Variants in DUSP18 observed in about 807,000 individuals in gnomAD.
DUSP18 encodes dual specificity protein phosphatase 18.
Under a neutral mutation model 6.3 loss-of-function variants are expected in DUSP18, and 4 were observed. That is an observed-to-expected ratio of 0.63 (90% CI 0.31 to 1.45). The LOEUF is 1.45. Among genes scored for constraint, DUSP18 ranks in the 40% most tolerant of loss-of-function variants. The pLI, the probability that DUSP18 is intolerant of heterozygous loss-of-function variation, is 0.07. For missense variants in DUSP18, 235 were observed against 247.7 expected (o/e 0.95, Z 0.34); for synonymous variants, 96 against 95.1 (o/e 1.01, Z -0.05).
Position 30,667,657 on chromosome 22 carries a change from C to T in DUSP18, c.-273G>A, listed in dbSNP as rs1254115721. 2 of 152,706 alleles carry T rather than the reference C, an allele frequency of 1.3e-5. No homozygotes were observed. The highest frequency in any genetic ancestry group is 4.8e-5 in the African/African-American group (2 of 41,466). 9.5% of individuals were successfully genotyped at this position (152,706 alleles called of 1,614,324 possible). On this transcript the variant is annotated 5_prime_UTR_variant, in exon 1 of 2. Transcript: ENST00000334679. ...TGCCGGGTCTTCAGAGAAATCCTGG[C>T]CTCGGCTCCACGCCCCTGAGCAGCC...
At chr22:30,654,618 G>C in intron 2 of DUSP18, 1 of 462,862 alleles carries the variant, frequency 2.2e-6, no homozygotes, top group Non-Finnish European at 4.3e-6. Flanking sequence ...AGTGGTAGGT[G>C]CCTCGGGAAG....
downstream of DUSP18, among the ~76,000 whole-genome samples, chr22:30,657,828 C>T (rs1164431823): frequency 1.3e-5 from 2 of 151,112 alleles, no homozygotes; most frequent in African/African-American, 4.9e-5. Flanking sequence ...GACGTGAACT[C>T]GGGAGGCGGA....
intron 1 of DUSP18, among the ~76,000 whole-genome samples, chr22:30,666,621 C>CAAAAAAAAAAAAA (rs55979351): frequency 9.6e-5 from 6 of 62,496 alleles, no homozygotes; most frequent in Admixed American, 2.6e-4. Flanking sequence ...GACTCCATCT[C>CAAAAAAAAAAAAA]AAAAAAAAAA....
chr22:30,660,254 T>C (rs1471761030), downstream of DUSP18, among the ~76,000 whole-genome samples: 1 of 152,224 alleles, frequency 6.6e-6, no homozygotes, highest in Non-Finnish European at 1.5e-5. Context: ...TGGTAATTTG[T>C]TACAGCACCA....
chr22:30,665,579 TCTC>T (rs1569074337), intron 1 of DUSP18: 1 of 470,162 alleles, frequency 2.1e-6, no homozygotes, highest in Admixed American at 2.4e-5. Context: ...TTAAGGGAAA[TCTC>T]CTTAGATCAC....
Position 30,654,774 on chromosome 22 carries a change from T to C in DUSP18, c.*34-2477A>G, listed in dbSNP as rs150502404. 2.1e-5 allele frequency: 5 copies of C among 237,552 alleles called. No homozygotes were observed. In the East Asian group the frequency reaches 7.1e-4, roughly 34 times the overall value. The allele number at this position is 237,552 out of a possible 1,614,324, so 14.7% of individuals were successfully genotyped here. A position where few individuals can be genotyped will look rare whatever the true frequency, so the allele number is the denominator to read the frequency against. ...CATGGCCCTCAGGAAGCCCAGGAGATAGCTTTGACCATTGAGCACCGGGAC... is the reference window on the plus strand; with the variant it reads ...CATGGCCCTCAGGAAGCCCAGGAGACAGCTTTGACCATTGAGCACCGGGAC... On this transcript the variant is annotated intron_variant, in intron 2 of 2. Coordinates refer to the DUSP18 transcript ENST00000404885.
At chr22:30,664,154 T>C in intron 1 of DUSP18, 74 bp from the exon 2 acceptor site, 1 of 687,176 alleles carries the variant, frequency 1.5e-6, no homozygotes, top group Non-Finnish European at 2.5e-6. Context: ...GGGAAATGGA[T>C]GGATAGGCTT....
intron 2 of DUSP18, chr22:30,654,515 T>C (rs5997724): frequency 0.025 from 10,791 of 428,668 alleles, 185 homozygotes; most frequent in African/African-American, 0.042. Context: ...GAGGCGGTCT[T>C]GGGCGGCCTG....
In DUSP18 at chr22:30,665,397, G is replaced by A. The variant is rs185616817; in HGVS notation, c.-77-1317C>T. Reference sequence around the variant, plus strand: ...TGCTCTGAAGGGCCTCAGGTGAACCGAGCCACTTACAGTTCCTTAGGGACA... The same window carrying A: ...TGCTCTGAAGGGCCTCAGGTGAACCAAGCCACTTACAGTTCCTTAGGGACA... On this transcript the variant is annotated intron_variant, in intron 1 of 1. Coordinates refer to ENST00000334679, the MANE Select transcript of DUSP18 (RefSeq NM_152511.5). 39 of 375,496 alleles carry A rather than the reference G, an allele frequency of 1.0e-4. No individual in the cohort carries two copies. The East Asian group carries it at 1.6e-3, about 16-fold the overall frequency. The allele number at this position is 375,496 out of a possible 1,614,324, so 23.3% of individuals were successfully genotyped here.
rs139730114 is a variant in DUSP18 at position 30,665,396 on chromosome 22, C to T, written c.-77-1316G>A. On this transcript the variant is annotated intron_variant, in intron 1 of 1. Transcript: ENST00000334679. ...ATGCTCTGAAGGGCCTCAGGTGAAC[C>T]GAGCCACTTACAGTTCCTTAGGGAC... 2,333 of 373,352 alleles carry T rather than the reference C, an allele frequency of 6.2e-3. 15 individuals carry two copies. Among genetic ancestry groups the T allele is most frequent in the Non-Finnish European group, 7.9e-3 (1,435 of 181,646 alleles). The allele number at this position is 373,352 out of a possible 1,614,324, so 23.1% of individuals were successfully genotyped here. A position where few individuals can be genotyped will look rare whatever the true frequency, so the allele number is the denominator to read the frequency against.
chr22:30,658,199 G>A (rs1184771815), downstream of DUSP18, among the ~76,000 whole-genome samples: 2 of 151,532 alleles, frequency 1.3e-5, no homozygotes, highest in African/African-American at 4.9e-5. Context: ...CCCACTGGCT[G>A]CAACTAAAAG....
intron 2 of DUSP18, chr22:30,653,990 T>TA (rs1481442174): frequency 1.3e-5 from 2 of 157,592 alleles, no homozygotes; most frequent in African/African-American, 4.9e-5. Context: ...TTTTTGTTTT[T>TA]TTTTTTTGAG....
chr22:30,665,696 A>T, intron 1 of DUSP18: 1 of 342,566 alleles, frequency 2.9e-6, no homozygotes. Context: ...GATCTGTCTG[A>T]TTATTTGATT....
At chr22:30,667,164 T>C (rs1182133615) in intron 1 of DUSP18, 1 of 152,154 alleles carries the variant, frequency 6.6e-6, no homozygotes, top group Non-Finnish European at 1.5e-5. Flanking sequence ...CAGACCGGCG[T>C]CTAGAGTTAA....
At chr22:30,666,623 A>C (rs1602113685) in intron 1 of DUSP18, among the ~76,000 whole-genome samples, 4 of 50,892 alleles carry the variant, frequency 7.9e-5, no homozygotes, top group Non-Finnish European at 3.4e-4. Context: ...CTCCATCTCA[A>C]AAAAAAAAAA....
intron 1 of DUSP18, among the ~76,000 whole-genome samples, chr22:30,666,218 G>A (rs778876048): frequency 1.3e-5 from 2 of 152,212 alleles, no homozygotes; most frequent in Non-Finnish European, 2.9e-5. Flanking sequence ...GTGGGTAACG[G>A]GAATAGAGGA....
At chr22:30,661,444 C>CT (rs56242112), downstream of DUSP18, 60,642 of 136,438 alleles carry the variant, frequency 0.44, 15,622 homozygotes, top group South Asian at 0.64. Context: ...TTTTCTTTTT[C>CT]TTTTTTTTTT....
At chr22:30,654,297 T>C in intron 2 of DUSP18, 1 of 456,644 alleles carries the variant, frequency 2.2e-6, no homozygotes, top group Non-Finnish European at 4.4e-6. Flanking sequence ...CCATGAGCTG[T>C]TTCTTATTCT....
chr22:30,652,564 T>A (rs1191404411), intron 2 of DUSP18, among the ~76,000 whole-genome samples: 1 of 152,208 alleles, frequency 6.6e-6, no homozygotes, highest in Non-Finnish European at 1.5e-5. Context: ...AACTTGGAGA[T>A]TAGAAGCAAG....
Sources: gnomAD v4.1 joint callset for allele counts (sites outside exome capture counted in the v4.1 genomes callset) on GRCh38, gnomAD v4.1.1 for gene constraint, MANE v1.5 for transcripts, NCBI Gene and HGNC (gene_info 2026-07-23, HGNC 2026-07-21) for gene names.